TNRC6B: variants seen among roughly 807,000 people sequenced by gnomAD.
The protein encoded by TNRC6B is trinucleotide repeat containing adaptor 6B.
Under a neutral mutation model 203.6 loss-of-function variants are expected in TNRC6B, and 52 were observed. The observed-to-expected ratio is 0.26, with a 90% CI of 0.20 to 0.32. TNRC6B has a LOEUF of 0.32. Ranked by LOEUF, TNRC6B falls within the 10% of genes least tolerant of loss-of-function variation. The pLI, the probability that TNRC6B is intolerant of heterozygous loss-of-function variation, is 1.00. For missense variants in TNRC6B, 1,923 were observed against 2,286.2 expected, an observed-to-expected ratio of 0.84 and a Z score of 3.24; for synonymous variants, 838 against 845.7, an observed-to-expected ratio of 0.99 and a Z score of 0.16.
In TNRC6B at chr22:40,266,628, T is replaced by G; in HGVS notation, c.2398T>G (p.Cys800Gly). The change falls in exon 5 of 23, where the codon TGC becomes GGC. Residue 800 changes from cysteine to glycine, a missense_variant. By Grantham distance (159) the Cys-to-Gly change is radical. Transcript: ENST00000454349. The stretch of plus-strand genomic sequence containing the variant: ...AGCTTCAAAAGGTGGGTGGGAGGAT[T>G]GCAAAAGATCCCCAGCATGGAATGA... ...SLASKGGWED[C>G]KRSPAWNETG... 1 of 1,610,936 alleles carries G rather than the reference T, an allele frequency of 6.2e-7. No homozygotes were observed. Among genetic ancestry groups the G allele is most frequent in the Non-Finnish European group, 8.5e-7 (1 of 1,178,124 alleles).
chr22:40,269,781 G>C (rs1038970673), intron 5 of TNRC6B, among the ~76,000 whole-genome samples: 1 of 151,512 alleles, frequency 6.6e-6, no homozygotes, highest in Admixed American at 6.6e-5. Flanking sequence ...TCAGCTGCTC[G>C]GGAGGCTGAG....
chr22:40,319,528 C>A (rs574436655), intron 21 of TNRC6B, among the ~76,000 whole-genome samples: 6 of 150,060 alleles, frequency 4.0e-5, no homozygotes, highest in African/African-American at 1.5e-4. Context: ...CGGGTTAATG[C>A]GGTTCTCATG....
intron 1 of TNRC6B, among the ~76,000 whole-genome samples, chr22:40,208,120 AAAAAAAAAAAAAC>A: frequency 6.7e-6 from 1 of 149,076 alleles, no homozygotes; most frequent in South Asian, 2.2e-4. Context: ...TCAAAAAAAA[AAAAAAAAAAAAAC>A]AAAAAAACAA....
chr22:40,255,009 C>T (rs986026026), intron 3 of TNRC6B, among the ~76,000 whole-genome samples: 3 of 152,160 alleles, frequency 2.0e-5, no homozygotes, highest in African/African-American at 2.4e-5. Flanking sequence ...TTGTGGAGTT[C>T]GGGCCAGATT....
chr22:40,080,946 T>A (rs568662017), intron 1 of TNRC6B, among the ~76,000 whole-genome samples: 1 of 152,044 alleles, frequency 6.6e-6, no homozygotes, highest in Admixed American at 6.5e-5. Flanking sequence ...AAGCTCTGCC[T>A]CCTGGGTTCA....
Position 40,316,028 on chromosome 22 carries a change from C to T in TNRC6B, c.4974+16C>T, listed in dbSNP as rs199557093. On this transcript the variant is annotated intron_variant, in intron 21 of 22. Coordinates refer to ENST00000454349, the MANE Select transcript of TNRC6B (RefSeq NM_001162501.2). ...CACCCCACAGGTAATTATGCTTTCT[C>T]GCAGTTTTCTAGATAGGACTTGATT... is the stretch of plus-strand genomic sequence containing the variant. 3.5e-5 allele frequency: 57 copies of T among 1,610,704 alleles called. 1 individual carries two copies. The highest frequency in any genetic ancestry group is 6.7e-5 in the Admixed American group (4 of 59,932).
chr22:40,214,277 A>G (rs2069603591), intron 1 of TNRC6B, among the ~76,000 whole-genome samples: 1 of 151,916 alleles, frequency 6.6e-6, no homozygotes, highest in Admixed American at 6.6e-5. Context: ...AAAAAATAAA[A>G]CATTAAAAAA....
intron 1 of TNRC6B, among the ~76,000 whole-genome samples, chr22:40,075,148 ATATATATATTTTTTT>A (rs1345555447): frequency 1.7e-4 from 12 of 70,044 alleles, no homozygotes; most frequent in African/African-American, 1.2e-3. Context: ...ATATATATAT[ATATATATATTTTTTT>A]TTTTTTTTTT....
chr22:40,306,798 C>T (rs993848189), intron 15 of TNRC6B, among the ~76,000 whole-genome samples: 1 of 152,114 alleles, frequency 6.6e-6, no homozygotes, highest in Admixed American at 6.5e-5. Flanking sequence ...CCAGCCTTGG[C>T]AATAGGGTGA....
intron 2 of TNRC6B, among the ~76,000 whole-genome samples, chr22:40,121,363 TG>T (rs1199860793): frequency 3.3e-5 from 5 of 152,322 alleles, no homozygotes; most frequent in African/African-American, 1.2e-4. Flanking sequence ...TTGTAATGCA[TG>T]TGTGCTATTT....
intron 21 of TNRC6B, among the ~76,000 whole-genome samples, chr22:40,317,882 C>CA (rs1449785911): frequency 6.6e-6 from 1 of 152,186 alleles, no homozygotes; most frequent in Non-Finnish European, 1.5e-5. Context: ...TTTTGACATA[C>CA]AAAATGCATT....
chr22:40,209,679 G>A (rs1006748791), intron 1 of TNRC6B, among the ~76,000 whole-genome samples: 47 of 152,258 alleles, frequency 3.1e-4, no homozygotes, highest in Admixed American at 2.6e-3. Flanking sequence ...CTGAGCCTCG[G>A]TTTCCTCATT....
At position 40,095,423 on chromosome 22, in the gene TNRC6B, G is replaced by A. The variant is rs10427795; in HGVS notation, c.-120-21632G>A. 1.6e-3 allele frequency among the ~76,000 whole-genome samples: 245 copies of A among 152,260 alleles called. 3 individuals carry two copies. In the East Asian group the frequency reaches 0.038, roughly 24 times the overall value. Reference sequence around the variant, plus strand: ...GTATAAAAGGTGTGCCTCATCTAATGATTGACCAGAGCTGTGACATGTAGC... The same window carrying A: ...GTATAAAAGGTGTGCCTCATCTAATAATTGACCAGAGCTGTGACATGTAGC... On this transcript the variant is annotated intron_variant, in intron 1 of 23. Coordinates refer to the TNRC6B transcript ENST00000301923.
At chr22:40,222,597 C>T (rs1460332847) in intron 1 of TNRC6B, among the ~76,000 whole-genome samples, 1 of 152,054 alleles carries the variant, frequency 6.6e-6, no homozygotes, top group Non-Finnish European at 1.5e-5. Context: ...GGATTATCTT[C>T]TTTTTACTTA....
intron 3 of TNRC6B, among the ~76,000 whole-genome samples, chr22:40,140,648 T>C (rs1189190523): frequency 1.3e-5 from 2 of 152,170 alleles, no homozygotes; most frequent in Non-Finnish European, 2.9e-5. Context: ...TTCTATCTTA[T>C]TCCTTTTTTT....
At chr22:40,077,540 A>G (rs1399287028) in intron 1 of TNRC6B, among the ~76,000 whole-genome samples, 1 of 152,108 alleles carries the variant, frequency 6.6e-6, no homozygotes, top group Admixed American at 6.5e-5. Context: ...TTTCTGAATC[A>G]CACATACGGT....
chr22:40,253,619 T>G, intron 3 of TNRC6B: 1 of 456,278 alleles, frequency 2.2e-6, no homozygotes, highest in Non-Finnish European at 4.4e-6. Flanking sequence ...TAACATAAAA[T>G]AATCCTAAAG....
At chr22:40,202,694 G>T (rs1312543064) in intron 1 of TNRC6B, among the ~76,000 whole-genome samples, 2 of 152,098 alleles carry the variant, frequency 1.3e-5, no homozygotes, top group Non-Finnish European at 2.9e-5. Context: ...TGGCCACAGG[G>T]ATCCCTAGTC....
At chr22:40,218,537 A>G (rs187457127) in intron 1 of TNRC6B, among the ~76,000 whole-genome samples, 24 of 152,058 alleles carry the variant, frequency 1.6e-4, no homozygotes, top group African/African-American at 5.1e-4. Context: ...CATGTTTCCC[A>G]GGCTAGTCTC....
Sources: gnomAD v4.1 joint callset for allele counts (sites outside exome capture counted in the v4.1 genomes callset) on GRCh38, gnomAD v4.1.1 for gene constraint, MANE v1.5 for transcripts, NCBI Gene and HGNC (gene_info 2026-07-23, HGNC 2026-07-21) for gene names.